Variants in NIBAN3 observed in about 807,000 individuals in gnomAD.
NIBAN3 encodes niban apoptosis regulator 3.
Under a neutral mutation model 76.4 loss-of-function variants are expected in NIBAN3, and 66 were observed. The ratio of observed to expected loss-of-function variants is 0.86; its 90% confidence interval spans 0.71 to 1.06. The LOEUF (loss-of-function observed/expected upper bound fraction) is 1.06. Ranked by LOEUF, NIBAN3 falls within the 50% of genes least tolerant of loss-of-function variation. The pLI, the probability that NIBAN3 is intolerant of heterozygous loss-of-function variation, is 0.00. For synonymous variants in NIBAN3, 360 were observed against 355.2 expected (o/e 1.01, Z -0.15); for missense variants, 808 against 810.7 (o/e 1.00, Z 0.04).
Position 17,540,392 on chromosome 19 carries a change from C to T in NIBAN3, c.980C>T (p.Thr327Met), listed in dbSNP as rs140392723. 692 of 1,482,900 alleles carry T rather than the reference C, an allele frequency of 4.7e-4. No homozygotes were observed. The highest frequency in any genetic ancestry group is 5.9e-4 in the Non-Finnish European group (660 of 1,112,026). The allele number at this position is 1,482,900 out of a possible 1,614,324, so 91.9% of individuals were successfully genotyped here. Residue 327 changes from threonine to methionine, a missense_variant and splice_region_variant, in exon 9 of 15, where the codon ACG (threonine) becomes ATG (methionine). Transcript: ENST00000599164. ...QRARVAGRLRTDIRGPLESCL... is the reference protein window; with the variant it reads ...QRARVAGRLRMDIRGPLESCL... ...CCAGACCAGTGTCTTCCACTCCCAG[C>T]GGATATCAGGGGACCGCTCGAGTCG...
chr19:17,534,063 TGCACTGTC>T (rs1464938078), intron 4 of NIBAN3, among the ~76,000 whole-genome samples: 2 of 152,062 alleles, frequency 1.3e-5, no homozygotes, highest in Non-Finnish European at 2.9e-5. Context: ...CTGGGATGGG[TGCACTGTC>T]TCATGCCTGT....
At chr19:17,526,931 C>G (rs1001791091), upstream of NIBAN3, among the ~76,000 whole-genome samples, 1 of 152,114 alleles carries the variant, frequency 6.6e-6, no homozygotes, top group African/African-American at 2.4e-5. Context: ...CCAGCCTCAC[C>G]GGGCACAGGG....
In NIBAN3 at chr19:17,539,338, C is replaced by CT; in HGVS notation, c.712-8dup. The CT allele has an allele frequency of 6.5e-7, 1 of 1,549,558 alleles. No homozygotes were observed. The highest frequency in any genetic ancestry group is 1.2e-5 in the South Asian group (1 of 84,498). On this transcript the variant is annotated splice_polypyrimidine_tract_variant and intron_variant, in intron 6 of 14. Transcript: ENST00000599164. ...CCGACCGCGGCGCCCATGGCCCCCT[C>CT]TCCTGCAGGTGCTGACCGCGGTGCT...
upstream of NIBAN3, among the ~76,000 whole-genome samples, chr19:17,525,626 C>T (rs148417039): frequency 5.7e-3 from 867 of 152,198 alleles, 7 homozygotes; most frequent in African/African-American, 0.02. Flanking sequence ...CTGGACAAGA[C>T]CGCGGGGGTC....
rs1469284084 is a variant in NIBAN3 at position 17,539,163 on chromosome 19, C to A, written c.609C>A (p.Ser203Arg). Residue 203 changes from serine to arginine, a missense_variant, in exon 6 of 15, where the codon AGC (serine) becomes AGA (arginine). Coordinates refer to ENST00000599164, the MANE Select transcript of NIBAN3 (RefSeq NM_001321827.2). ...IRLQGIVLQR[S>R]QAPAARAFLD... ...AGCCCCTCTCAGTCCTGCAGCGAAG[C>A]CAGGCCCCTGCTGCCCGGGCCTTCC... 1.3e-6 allele frequency: 2 copies of A among 1,594,378 alleles called. No individual in the cohort carries two copies. Among genetic ancestry groups the A allele is most frequent in the South Asian group, 2.3e-5 (2 of 88,306 alleles).
intron 8 of NIBAN3, 88 bp downstream of exon 8, chr19:17,539,853 A>C (rs898292690): frequency 4.7e-6 from 4 of 854,582 alleles, no homozygotes; most frequent in East Asian, 7.0e-5. Context: ...ATGGGCTTGA[A>C]GTTATGTAAA....
intron 12 of NIBAN3, 87 bp downstream of exon 12, chr19:17,543,718 C>A: frequency 2.6e-6 from 3 of 1,164,760 alleles, no homozygotes; most frequent in Non-Finnish European, 3.7e-6. Flanking sequence ...TGAGGCTGGG[C>A]GCAGTGGCTC....
At chr19:17,554,995 G>A (rs866374784), downstream of NIBAN3, among the ~76,000 whole-genome samples, 4 of 151,292 alleles carry the variant, frequency 2.6e-5, no homozygotes, top group Non-Finnish European at 4.4e-5. Flanking sequence ...TAGAGTATTG[G>A]AAAACAATCC....
intron 1 of NIBAN3, among the ~76,000 whole-genome samples, chr19:17,530,426 G>A (rs2075697475): frequency 1.3e-5 from 2 of 151,308 alleles, no homozygotes; most frequent in Non-Finnish European, 2.9e-5. Context: ...CCAGCTACTC[G>A]AGAGGCTGAG....
chr19:17,539,560 G>A, intron 7 of NIBAN3, 43 bp from the exon 8 acceptor site: 1 of 1,482,868 alleles, frequency 6.7e-7, no homozygotes, highest in Non-Finnish European at 9.0e-7. Context: ...CCCCATCCCC[G>A]CCCCGTGTCT....
chr19:17,539,421 A>T lies in NIBAN3; in HGVS notation c.786A>T (p.Ala262=), dbSNP rs1464392264. ...AGACCCTTCCTGGCCTGCGGGGGGCAGGCCGCGCCCGCGCCTGGGCCTGGA... is the reference window on the plus strand; with the variant it reads ...AGACCCTTCCTGGCCTGCGGGGGGCTGGCCGCGCCCGCGCCTGGGCCTGGA... ...RAQTLPGLRG[A]GRARAWAWTE... The change falls in exon 7 of 15, where the codon GCA becomes GCT. Residue 262 remains alanine, a synonymous_variant. Coordinates refer to ENST00000599164, the MANE Select transcript of NIBAN3 (RefSeq NM_001321827.2). 1 of 1,512,560 alleles carries T rather than the reference A, an allele frequency of 6.6e-7. No individual in the cohort carries two copies. Among genetic ancestry groups the T allele is most frequent in the Non-Finnish European group, 8.8e-7 (1 of 1,134,600 alleles). 93.7% of individuals were successfully genotyped at this position (1,512,560 alleles called of 1,614,324 possible).
chr19:17,523,679 G>A (rs2144652069), upstream of NIBAN3, among the ~76,000 whole-genome samples: 1 of 152,280 alleles, frequency 6.6e-6, no homozygotes, highest in Non-Finnish European at 1.5e-5. Flanking sequence ...CCTTCGGAGT[G>A]AAATTCACCC....
intron 5 of NIBAN3, among the ~76,000 whole-genome samples, chr19:17,538,737 A>C (rs1314645921): frequency 1.9e-5 from 1 of 53,766 alleles, no homozygotes; most frequent in Non-Finnish European, 4.7e-5. Flanking sequence ...AAAGCAAGAA[A>C]GAAAGAAAGA....
chr19:17,538,652 GA>G (rs2075870196), intron 5 of NIBAN3, among the ~76,000 whole-genome samples: 2 of 146,720 alleles, frequency 1.4e-5, no homozygotes, highest in Admixed American at 6.9e-5. Flanking sequence ...AAAGAGGAGA[GA>G]AGAGAACAGA....
chr19:17,547,350 C>CTTTTTT lies in NIBAN3; in HGVS notation c.1666+570_1666+575dup, dbSNP rs1161818189. ...GCCTGGCGACAGAACGAGACTATGT[C>CTTTTTT]TTTTTTTTTTTTTTTTTTTTTTGAG... On this transcript the variant is annotated intron_variant, in intron 13 of 14. Transcript: ENST00000599164. Among the ~76,000 whole-genome samples, 70 of 62,698 alleles carry CTTTTTT rather than the reference C, an allele frequency of 1.1e-3. 6 individuals carry two copies. The highest frequency in any genetic ancestry group is 2.1e-3 in the African/African-American group (30 of 14,516). The allele number at this position is 62,698 out of a possible 152,430, so 41.1% of individuals were successfully genotyped here.
chr19:17,539,944 A>G (rs1168536926), intron 8 of NIBAN3, among the ~76,000 whole-genome samples, 179 bp downstream of exon 8: 1 of 141,572 alleles, frequency 7.1e-6, no homozygotes, highest in African/African-American at 2.7e-5. Context: ...GGCCAAAGCG[A>G]GGCGGTGGGC....
chr19:17,549,204 T>C (rs1488054548), intron 13 of NIBAN3, among the ~76,000 whole-genome samples: 2 of 152,150 alleles, frequency 1.3e-5, no homozygotes, highest in African/African-American at 4.8e-5. Flanking sequence ...CTGAATTGAT[T>C]TGTGATGTCT....
intron 1 of NIBAN3, among the ~76,000 whole-genome samples, chr19:17,528,702 C>T (rs1407522215): frequency 6.6e-6 from 1 of 152,144 alleles, no homozygotes; most frequent in African/African-American, 2.4e-5. Context: ...CTTACCCTCA[C>T]AGGCTCATGG....
intron 2 of NIBAN3, among the ~76,000 whole-genome samples, chr19:17,531,326 A>AACATAC (rs1361774407): frequency 3.9e-5 from 5 of 129,100 alleles, no homozygotes; most frequent in African/African-American, 1.1e-4. Flanking sequence ...GACTCTGTCA[A>AACATAC]ACACACACAC....
Sources: gnomAD v4.1 joint callset for allele counts (sites outside exome capture counted in the v4.1 genomes callset) on GRCh38, gnomAD v4.1.1 for gene constraint, MANE v1.5 for transcripts, NCBI Gene and HGNC (gene_info 2026-07-23, HGNC 2026-07-21) for gene names.